The following ITCH variants were observed in gnomAD, a reference collection of about 807,000 sequenced individuals.
The protein encoded by ITCH is itchy E3 ubiquitin protein ligase.
A neutral mutation model predicts 126.8 loss-of-function variants in ITCH; 28 were observed. The observed-to-expected ratio is 0.22, with a 90% CI of 0.16 to 0.30. The LOEUF is 0.30. Among genes scored for constraint, ITCH ranks in the 10% least tolerant of loss-of-function variants. The pLI is 1.00. For missense variants in ITCH, 631 were observed against 1,032.4 expected (o/e 0.61, Z 5.33); for synonymous variants, 342 against 340.0 (o/e 1.01, Z -0.06).
intron 1 of ITCH, among the ~76,000 whole-genome samples, chr20:34,368,848 G>A (rs1363880758): frequency 6.6e-6 from 1 of 152,012 alleles, no homozygotes; most frequent in Non-Finnish European, 1.5e-5. Flanking sequence ...TATTTATATG[G>A]CCATCCTCAT....
chr20:34,404,288 T>C (rs1257584084), intron 3 of ITCH, among the ~76,000 whole-genome samples: 4 of 152,152 alleles, frequency 2.6e-5, no homozygotes, highest in Non-Finnish European at 5.9e-5. Context: ...ATATTTGTAA[T>C]ATTATGACTA....
intron 23 of ITCH, among the ~76,000 whole-genome samples, chr20:34,502,476 C>T (rs917918213): frequency 3.3e-5 from 5 of 152,082 alleles, no homozygotes; most frequent in East Asian, 1.9e-4. Context: ...TTTGGGAGGC[C>T]GAGACGGTTG....
At chr20:34,450,929 T>A (rs1985127846) in intron 12 of ITCH, 2 of 152,138 alleles carry the variant, frequency 1.3e-5, no homozygotes, top group Admixed American at 6.5e-5. Flanking sequence ...GTCAAAAAGG[T>A]AAAAAATGTA....
intron 23 of ITCH, among the ~76,000 whole-genome samples, chr20:34,492,913 G>A (rs1989617549): frequency 6.6e-6 from 1 of 152,192 alleles, no homozygotes; most frequent in Admixed American, 6.5e-5. Context: ...ATTTAACGAT[G>A]TGAGAAGATC....
At position 34,377,168 on chromosome 20, in the gene ITCH, T is replaced by A. The variant is rs531830346; in HGVS notation, c.-22+7698T>A. On this transcript the variant is annotated intron_variant, in intron 2 of 24. Transcript: ENST00000374864. ...GTGGGCGGATCACTTGAGGCTGGAG[T>A]TTGAGACCAGCCTGGCCAACAGGGC... Among the ~76,000 whole-genome samples, 267 of 150,826 alleles carry A rather than the reference T, an allele frequency of 1.8e-3. 1 individual carries two copies. Among genetic ancestry groups the A allele is most frequent in the Non-Finnish European group, 1.6e-3 (110 of 67,596 alleles).
At chr20:34,371,024 C>T (rs930676337) in intron 2 of ITCH, among the ~76,000 whole-genome samples, 9 of 151,534 alleles carry the variant, frequency 5.9e-5, no homozygotes, top group Middle Eastern at 3.4e-3. Context: ...AAAAATTAGC[C>T]GGGTGTGGTG....
chr20:34,375,696 A>ATTTTTTT (rs5841171), intron 2 of ITCH, among the ~76,000 whole-genome samples: 15 of 65,556 alleles, frequency 2.3e-4, no homozygotes, highest in Admixed American at 4.5e-4. Context: ...GGTAGTTAAA[A>ATTTTTTT]TTTTTTTTTT....
At chr20:34,500,267 AGAGT>A (rs1251165957) in intron 23 of ITCH, among the ~76,000 whole-genome samples, 1 of 152,180 alleles carries the variant, frequency 6.6e-6, no homozygotes, top group Non-Finnish European at 1.5e-5. Context: ...TCCAGTGCTA[AGAGT>A]GGATATTGAA....
At chr20:34,390,702 A>G (rs949322486) in intron 2 of ITCH, among the ~76,000 whole-genome samples, 13 of 148,690 alleles carry the variant, frequency 8.7e-5, no homozygotes, top group Non-Finnish European at 3.0e-5. Flanking sequence ...CACCTACCTT[A>G]GCCTCCCAAA....
chr20:34,492,734 G>A (rs1274880685), intron 23 of ITCH, 137 bp downstream of exon 23: 2 of 694,948 alleles, frequency 2.9e-6, no homozygotes, highest in Non-Finnish European at 5.2e-6. Flanking sequence ...GCATGGATTT[G>A]TATAACCTTT....
chr20:34,404,830 C>T (rs2039003229), intron 3 of ITCH, among the ~76,000 whole-genome samples: 1 of 152,022 alleles, frequency 6.6e-6, no homozygotes, highest in Admixed American at 6.6e-5. Flanking sequence ...GGTGCTCCTC[C>T]ACCCCCATGT....
intron 1 of ITCH, among the ~76,000 whole-genome samples, chr20:34,368,955 A>G (rs2037519101): frequency 6.6e-6 from 1 of 152,172 alleles, no homozygotes; most frequent in African/African-American, 2.4e-5. Flanking sequence ...TGCTCCATTA[A>G]AAATTGTCTA....
chr20:34,439,794 C>T (rs571916048), intron 8 of ITCH, among the ~76,000 whole-genome samples: 1 of 152,262 alleles, frequency 6.6e-6, no homozygotes, highest in South Asian at 2.1e-4. Context: ...CACGGTTTCA[C>T]AGGAAAGCAG....
chr20:34,389,517 A>G (rs186447838), intron 2 of ITCH, among the ~76,000 whole-genome samples: 11 of 152,268 alleles, frequency 7.2e-5, no homozygotes, highest in East Asian at 1.9e-4. Context: ...ACTAGATGCT[A>G]CAAAAGAGAA....
chr20:34,481,417 T>C (rs1988738966), intron 20 of ITCH, among the ~76,000 whole-genome samples: 1 of 152,214 alleles, frequency 6.6e-6, no homozygotes, highest in African/African-American at 2.4e-5. Flanking sequence ...AGGATCACTC[T>C]TTTAAACATC....
intron 19 of ITCH, 22 bp downstream of exon 19, chr20:34,480,754 A>G (rs777964626): frequency 2.6e-6 from 4 of 1,546,628 alleles, no homozygotes; most frequent in Non-Finnish European, 3.6e-6. Flanking sequence ...TTTCCATGTA[A>G]TTTATTAAAA....
rs930729216 is a variant in ITCH at position 34,508,370 on chromosome 20, A to G, written c.*576A>G. On this transcript the variant is annotated 3_prime_UTR_variant, in exon 25 of 25. Transcript: ENST00000374864. ...AGTGAGGCAAGACTCTTGCATCTCT[A>G]CAAAGTAGTTTTGTCAATTTGAATT... is the stretch of plus-strand genomic sequence containing the variant. The G allele has an allele frequency of 1.9e-5, 3 of 158,636 alleles. No homozygotes were observed. Among genetic ancestry groups the G allele is most frequent in the African/African-American group, 7.2e-5 (3 of 41,476 alleles). The allele number at this position is 158,636 out of a possible 1,614,324, so 9.8% of individuals were successfully genotyped here. A position where few individuals can be genotyped will look rare whatever the true frequency, so the allele number is the denominator to read the frequency against.
At position 34,508,030 on chromosome 20, in the gene ITCH, A is replaced by G. The variant is rs1025422065; in HGVS notation, c.*236A>G. 17 of 476,202 alleles carry G rather than the reference A, an allele frequency of 3.6e-5. 1 individual carries two copies. Among genetic ancestry groups the G allele is most frequent in the African/African-American group, 3.4e-4 (17 of 50,744 alleles). 29.5% of individuals were successfully genotyped at this position (476,202 alleles called of 1,614,324 possible). On this transcript the variant is annotated 3_prime_UTR_variant, in exon 25 of 25. Coordinates refer to ENST00000374864, the MANE Select transcript of ITCH (RefSeq NM_031483.7). ...CTTAACATGAGATTTTAACACAACA[A>G]TGAAATTTGCCTTGTCTTATTCCAC...
intron 10 of ITCH, among the ~76,000 whole-genome samples, chr20:34,444,749 C>T (rs1984226409): frequency 6.6e-6 from 1 of 152,154 alleles, no homozygotes; most frequent in Non-Finnish European, 1.5e-5. Context: ...TCAAGCAGTT[C>T]TCCTGCTCAG....
Sources: gnomAD v4.1 joint callset for allele counts (sites outside exome capture counted in the v4.1 genomes callset) on GRCh38, gnomAD v4.1.1 for gene constraint, MANE v1.5 for transcripts, NCBI Gene and HGNC (gene_info 2026-07-23, HGNC 2026-07-21) for gene names.